PREX1: variants seen among roughly 807,000 people sequenced by gnomAD.
The protein encoded by PREX1 is phosphatidylinositol 3,4,5-trisphosphate-dependent Rac exchanger 1 protein.
Under a neutral mutation model 198.3 loss-of-function variants are expected in PREX1, and 41 were observed. That is an observed-to-expected ratio of 0.21 (90% confidence interval 0.16 to 0.27). The LOEUF (loss-of-function observed/expected upper bound fraction) is 0.27, where lower values mean the gene tolerates loss of function less well. Among genes scored for constraint, PREX1 ranks in the 10% least tolerant of loss-of-function variants. The probability of loss-of-function intolerance (pLI) is 1.00; values close to 1 mark genes in which losing one functional copy is unlikely to be tolerated. For synonymous variants in PREX1, 843 were observed against 887.2 expected, an observed-to-expected ratio of 0.95 and a Z score of 0.89; for missense variants, 1,620 against 2,200.7, an observed-to-expected ratio of 0.74 and a Z score of 5.28.
At chr20:48,866,016 G>A in the PREX1 span, among the ~76,000 whole-genome samples, 4 of 149,984 alleles carry the variant, frequency 2.7e-5, no homozygotes, top group African/African-American at 7.4e-5. Flanking sequence ...TGGTGAGATC[G>A]TAACTCACTA....
chr20:48,791,067 T>C (rs1263655971), intron 1 of PREX1, among the ~76,000 whole-genome samples: 2 of 152,104 alleles, frequency 1.3e-5, no homozygotes, highest in African/African-American at 4.8e-5. Flanking sequence ...GCATGAATAA[T>C]GCATACACTG....
intron 1 of PREX1, among the ~76,000 whole-genome samples, chr20:48,768,048 A>G (rs2090217305): frequency 6.6e-6 from 1 of 152,222 alleles, no homozygotes; most frequent in Non-Finnish European, 1.5e-5. Flanking sequence ...CTGAATCCAC[A>G]GCATGGGTTG....
At chr20:48,658,810 C>T (rs1286639918) in intron 16 of PREX1, among the ~76,000 whole-genome samples, 1 of 152,094 alleles carries the variant, frequency 6.6e-6, no homozygotes, top group Non-Finnish European at 1.5e-5. Context: ...AAGGTGCTAT[C>T]GGAGCTGAGG....
intron 1 of PREX1, among the ~76,000 whole-genome samples, chr20:48,778,845 A>G (rs896280303): frequency 1.3e-5 from 2 of 152,232 alleles, no homozygotes; most frequent in Non-Finnish European, 2.9e-5. Context: ...AACCTAAACT[A>G]CACACTTCAT....
chr20:48,839,404 A>G, the PREX1 span, among the ~76,000 whole-genome samples: 1 of 152,234 alleles, frequency 6.6e-6, no homozygotes, highest in African/African-American at 2.4e-5. Flanking sequence ...GTTTGGATCT[A>G]TGGGTATTCA....
At chr20:48,858,476 G>C in the PREX1 span, among the ~76,000 whole-genome samples, 1 of 152,228 alleles carries the variant, frequency 6.6e-6, no homozygotes, top group Non-Finnish European at 1.5e-5. Flanking sequence ...TTGGGGATGG[G>C]GAAAAGGAGA....
chr20:48,714,098 C>T (rs1200709689), intron 5 of PREX1, among the ~76,000 whole-genome samples: 2 of 152,140 alleles, frequency 1.3e-5, no homozygotes. Flanking sequence ...AAATGGATCA[C>T]AGACCTAAAT....
the PREX1 span, among the ~76,000 whole-genome samples, chr20:48,859,972 T>A: frequency 6.6e-6 from 1 of 152,106 alleles, no homozygotes. Context: ...GAGCTGAGAT[T>A]GCACCACTGC....
intron 2 of PREX1, among the ~76,000 whole-genome samples, chr20:48,747,454 C>A (rs6063319): frequency 0.38 from 57,189 of 152,110 alleles, 11,249 homozygotes; most frequent in Admixed American, 0.43. Flanking sequence ...TGGAGGTGCC[C>A]GGCTCCCGGG....
rs538554716 is a variant in PREX1, at chr20:48,796,570, T to G, written c.219+31072A>C. ...ATTTCATTCTATCTCACTGTATGCT[T>G]TTTAATTTGAACCATGAAAATGATT... On this transcript the variant is annotated intron_variant, in intron 1 of 39. Coordinates refer to ENST00000371941, the MANE Select transcript of PREX1 (RefSeq NM_020820.4). 1.5e-3 allele frequency among the ~76,000 whole-genome samples: 235 copies of G among 151,950 alleles called. 1 individual carries two copies. Among genetic ancestry groups the G allele is most frequent in the African/African-American group, 5.3e-3 (218 of 41,480 alleles).
At chr20:48,856,393 T>A in the PREX1 span, among the ~76,000 whole-genome samples, 2 of 152,178 alleles carry the variant, frequency 1.3e-5, no homozygotes, top group African/African-American at 4.8e-5. Context: ...TGGTTTCTTC[T>A]CCCTCCTGGT....
the PREX1 span, among the ~76,000 whole-genome samples, chr20:48,883,100 T>A: frequency 2.0e-5 from 3 of 151,996 alleles, no homozygotes; most frequent in Admixed American, 2.0e-4. Context: ...GCCCAGCTAC[T>A]TTTTGTATTT....
At chr20:48,810,701 A>C (rs1244315068) in intron 1 of PREX1, among the ~76,000 whole-genome samples, 3 of 152,026 alleles carry the variant, frequency 2.0e-5, no homozygotes, top group Non-Finnish European at 4.4e-5. Flanking sequence ...AGCCTGGCCA[A>C]CATAGCAAAA....
chr20:48,632,265 C>T lies in PREX1; in HGVS notation c.4526+12G>A. ...CTGACTCCTGCCCCCAACGGGGACC[C>T]CAGGCGGATACCTGAGTTTGCGGTA... On this transcript the variant is annotated intron_variant, in intron 35 of 39. Coordinates refer to ENST00000371941, the MANE Select transcript of PREX1 (RefSeq NM_020820.4). 6.2e-7 allele frequency: 1 copy of T among 1,613,422 alleles called. No individual in the cohort carries two copies. Among genetic ancestry groups the T allele is most frequent in the Non-Finnish European group, 8.5e-7 (1 of 1,179,662 alleles).
intron 1 of PREX1, among the ~76,000 whole-genome samples, chr20:48,763,617 C>T (rs1019274293): frequency 3.3e-5 from 5 of 152,126 alleles, no homozygotes; most frequent in African/African-American, 1.2e-4. Flanking sequence ...GGCTGGAGGG[C>T]GAGCAGTCCC....
intron 1 of PREX1, among the ~76,000 whole-genome samples, chr20:48,826,439 A>C (rs1055082706): frequency 6.6e-6 from 1 of 152,168 alleles, no homozygotes; most frequent in African/African-American, 2.4e-5. Context: ...AATGCAGCAT[A>C]GAATAGGGGT....
At chr20:48,786,322 T>C (rs770456922) in intron 1 of PREX1, among the ~76,000 whole-genome samples, 18 of 152,070 alleles carry the variant, frequency 1.2e-4, no homozygotes, top group African/African-American at 2.4e-4. Context: ...TAGGCAAACC[T>C]ACCCTTGGGG....
chr20:48,653,487 G>C lies in PREX1; in HGVS notation c.2220C>G (p.Ala740=). Residue 740 remains alanine, a synonymous_variant, in exon 20 of 40, where the codon GCC becomes GCG. Transcript: ENST00000371941. ...GACCAGCACAGAGCCCTGCAGCCAT[G>C]GCCTCAGAGCCTAAGGGGAACAGGA... ...YVYAVGRGSE[A]MAAGLCAGQC... is the part of the protein sequence containing the mutation. The C allele has an allele frequency of 5.6e-6, 9 of 1,611,570 alleles. No individual in the cohort carries two copies. The highest frequency in any genetic ancestry group is 7.6e-6 in the Non-Finnish European group (9 of 1,178,760).
the PREX1 span, among the ~76,000 whole-genome samples, chr20:48,857,085 C>T: frequency 6.2e-4 from 94 of 152,326 alleles, no homozygotes; most frequent in African/African-American, 1.8e-3. Context: ...GTGATCCACA[C>T]TCCTCGGCCT....
Sources: gnomAD v4.1 joint callset for allele counts (sites outside exome capture counted in the v4.1 genomes callset) on GRCh38, gnomAD v4.1.1 for gene constraint, MANE v1.5 for transcripts, NCBI Gene and HGNC (gene_info 2026-07-23, HGNC 2026-07-21) for gene names.